The following SNX27 variants were observed in gnomAD, a reference collection of about 807,000 sequenced individuals.
The protein encoded by SNX27 is sorting nexin-27.
A neutral mutation model predicts 71.6 loss-of-function variants in SNX27; 22 were observed. The observed-to-expected ratio is 0.31, with a 90% CI of 0.22 to 0.44. The LOEUF (loss-of-function observed/expected upper bound fraction) is 0.44. SNX27 is among the 20% of genes least tolerant of loss of function. The probability of loss-of-function intolerance (pLI) is 1.00; values close to 1 mark genes in which losing one functional copy is unlikely to be tolerated. For missense variants in SNX27, 531 were observed against 698.6 expected (o/e 0.76, Z 2.70); for synonymous variants, 269 against 277.2 (o/e 0.97, Z 0.29).
At chr1:151,641,662 G>GAT (rs1324967715) in intron 2 of SNX27, among the ~76,000 whole-genome samples, 1 of 103,930 alleles carries the variant, frequency 9.6e-6, no homozygotes, top group African/African-American at 3.4e-5. Context: ...ATATGTATCA[G>GAT]ATATATATAT....
chr1:151,643,720 G>A (rs1256482017), intron 2 of SNX27, among the ~76,000 whole-genome samples: 1 of 151,966 alleles, frequency 6.6e-6, no homozygotes, highest in Non-Finnish European at 1.5e-5. Flanking sequence ...GAGTGCAATA[G>A]TGCAATCTCG....
chr1:151,645,725 C>T (rs1041405338), intron 2 of SNX27, among the ~76,000 whole-genome samples: 6 of 152,202 alleles, frequency 3.9e-5, no homozygotes, highest in South Asian at 4.1e-4. Flanking sequence ...AGAAAGACGT[C>T]ACTTTCTGAG....
chr1:151,672,737 G>A (rs1416918172), intron 7 of SNX27, among the ~76,000 whole-genome samples: 1 of 151,876 alleles, frequency 6.6e-6, no homozygotes, highest in Admixed American at 6.6e-5. Flanking sequence ...ATATGTCTAG[G>A]AATTTATCCA....
intron 5 of SNX27, among the ~76,000 whole-genome samples, chr1:151,663,550 T>C (rs1670058855): frequency 6.6e-6 from 1 of 152,184 alleles, no homozygotes; most frequent in Non-Finnish European, 1.5e-5. Flanking sequence ...GTCAGTGTCC[T>C]GTGGAATGAC....
At chr1:151,683,545 C>G (rs1205076688) in intron 8 of SNX27, 100 bp downstream of exon 8, 1 of 795,842 alleles carries the variant, frequency 1.3e-6, no homozygotes, top group Non-Finnish European at 2.0e-6. Flanking sequence ...TGGTTAGTGG[C>G]TTAACTAATT....
At chr1:151,634,965 G>C (rs1052101578) in intron 1 of SNX27, among the ~76,000 whole-genome samples, 10 of 152,224 alleles carry the variant, frequency 6.6e-5, no homozygotes, top group African/African-American at 2.4e-4. Flanking sequence ...GTACTTTTGT[G>C]TGATAAGAGA....
rs943534707 is a variant in SNX27 at position 151,692,301 on chromosome 1, C to T, written c.1240-134C>T. On this transcript the variant is annotated intron_variant, in intron 8 of 11. Coordinates refer to ENST00000458013, the MANE Select transcript of SNX27 (RefSeq NM_001330723.2). The stretch of plus-strand genomic sequence containing the variant: ...GGTGTGAGACCAGAGGCCAGGTCTT[C>T]AGGTTGTTGGGTGAGAATACTCTTT... The T allele has an allele frequency of 6.8e-6, 8 of 1,169,026 alleles. No individual in the cohort carries two copies. The African/African-American group carries it at 1.1e-4, about 16-fold the overall frequency. 72.4% of individuals were successfully genotyped at this position (1,169,026 alleles called of 1,614,324 possible).
intron 8 of SNX27, among the ~76,000 whole-genome samples, chr1:151,684,545 T>C (rs1671110276): frequency 6.6e-6 from 1 of 152,232 alleles, no homozygotes; most frequent in African/African-American, 2.4e-5. Flanking sequence ...TTTCTACTCA[T>C]TATAACATTT....
chr1:151,643,814 G>A (rs1167831542), intron 2 of SNX27, among the ~76,000 whole-genome samples: 1 of 151,684 alleles, frequency 6.6e-6, no homozygotes, highest in African/African-American at 2.4e-5. Flanking sequence ...GCATGTGCCA[G>A]CACGCTCGGC....
At chr1:151,649,322 A>G (rs1443845470) in intron 2 of SNX27, among the ~76,000 whole-genome samples, 1 of 152,038 alleles carries the variant, frequency 6.6e-6, no homozygotes, top group Non-Finnish European at 1.5e-5. Flanking sequence ...CAATCACTCC[A>G]TTGTAATCCC....
intron 1 of SNX27, chr1:151,613,099 T>C (rs1190858125): frequency 6.6e-6 from 1 of 152,294 alleles, no homozygotes; most frequent in Non-Finnish European, 1.5e-5. Flanking sequence ...TTAGTTACCC[T>C]CTCCTCATGG....
intron 2 of SNX27, among the ~76,000 whole-genome samples, chr1:151,648,314 C>CA (rs1265967849): frequency 6.6e-6 from 1 of 152,168 alleles, no homozygotes; most frequent in Non-Finnish European, 1.5e-5. Flanking sequence ...CTTGGCCACC[C>CA]AAAGTGTGCT....
rs1381877965 is a variant in SNX27, at chr1:151,695,342, C to T, written c.*925C>T. On this transcript the variant is annotated 3_prime_UTR_variant, in exon 12 of 12. Coordinates refer to ENST00000458013, the MANE Select transcript of SNX27 (RefSeq NM_001330723.2). ...TGCTTTCCCTCAACCGACCCTGGCT[C>T]AGGAGGTTGATGCCATGGGAACCTG... 6.7e-6 allele frequency: 1 copy of T among 149,730 alleles called. No homozygotes were observed. Among genetic ancestry groups the T allele is most frequent in the African/African-American group, 2.5e-5 (1 of 40,448 alleles). 9.3% of individuals were successfully genotyped at this position (149,730 alleles called of 1,614,324 possible).
chr1:151,641,343 C>A (rs1212981755), intron 2 of SNX27, among the ~76,000 whole-genome samples: 1 of 151,798 alleles, frequency 6.6e-6, no homozygotes, highest in African/African-American at 2.4e-5. Context: ...CCAGTGGTTC[C>A]ATAACCTCTT....
chr1:151,644,870 C>T (rs1443088497), intron 2 of SNX27, among the ~76,000 whole-genome samples: 1 of 152,046 alleles, frequency 6.6e-6, no homozygotes, highest in Non-Finnish European at 1.5e-5. Context: ...GCAATATTGG[C>T]CCACTGCAGC....
chr1:151,681,489 G>A (rs975813332), intron 7 of SNX27, among the ~76,000 whole-genome samples: 1 of 151,834 alleles, frequency 6.6e-6, no homozygotes, highest in Non-Finnish European at 1.5e-5. Context: ...TGATCCACCC[G>A]CCTTGGCCTC....
chr1:151,683,214 A>G, intron 7 of SNX27, 142 bp from the exon 8 acceptor site: 2 of 627,242 alleles, frequency 3.2e-6, no homozygotes, highest in Non-Finnish European at 5.7e-6. Flanking sequence ...ATCCCTGGAC[A>G]TGTGGCAGAG....
At chr1:151,635,333 G>A (rs1432323240) in intron 1 of SNX27, among the ~76,000 whole-genome samples, 3 of 152,140 alleles carry the variant, frequency 2.0e-5, no homozygotes, top group African/African-American at 7.2e-5. Flanking sequence ...ATGAGATAAA[G>A]TAATTTACTT....
At chr1:151,691,943 T>C (rs946541662) in intron 8 of SNX27, among the ~76,000 whole-genome samples, 4 of 152,174 alleles carry the variant, frequency 2.6e-5, no homozygotes, top group African/African-American at 9.7e-5. Flanking sequence ...CTCATGCCTG[T>C]AACCCTTGCA....
Sources: allele counts gnomAD v4.1 joint callset (sites outside exome capture counted in the v4.1 genomes callset), GRCh38; gene constraint gnomAD v4.1.1; transcripts MANE v1.5; gene names NCBI Gene and HGNC (gene_info 2026-07-23, HGNC 2026-07-21).